RUFY4: variants seen among roughly 807,000 people sequenced by gnomAD.
RUFY4 encodes the protein RUN and FYVE domain-containing protein 4.
RUFY4 carries 73 observed loss-of-function variants against 69.0 expected under a neutral mutation model. That is an observed-to-expected ratio of 1.06 (90% CI 0.88 to 1.29). RUFY4 has a LOEUF of 1.29. Among genes scored for constraint, RUFY4 ranks in the 50% most tolerant of loss-of-function variants. The pLI is 0.00. For missense variants in RUFY4, 770 were observed against 705.6 expected, an observed-to-expected ratio of 1.09 and a Z score of -1.03; for synonymous variants, 287 against 271.8, an observed-to-expected ratio of 1.06 and a Z score of -0.55.
chr2:218,077,642 C>T (rs1172216682), intron 8 of RUFY4, among the ~76,000 whole-genome samples: 2 of 152,232 alleles, frequency 1.3e-5, no homozygotes, highest in African/African-American at 4.8e-5. Context: ...ACATGGCTAA[C>T]ACCTGCCCCA....
At chr2:218,045,023 T>C (rs888009641) in intron 2 of RUFY4, among the ~76,000 whole-genome samples, 1 of 152,248 alleles carries the variant, frequency 6.6e-6, no homozygotes, top group African/African-American at 2.4e-5. Context: ...CCACACTGTC[T>C]GTCTTCCACA....
At chr2:218,081,255 T>G (rs1158389984) in intron 8 of RUFY4, among the ~76,000 whole-genome samples, 1 of 152,158 alleles carries the variant, frequency 6.6e-6, no homozygotes, top group Non-Finnish European at 1.5e-5. Flanking sequence ...CACTGCCCTT[T>G]GTGGCAGCCC....
At chr2:218,089,637 G>A in intron 10 of RUFY4, 1 of 697,712 alleles carries the variant, frequency 1.4e-6, no homozygotes, top group South Asian at 1.5e-5. Flanking sequence ...ATCTGGAAGG[G>A]AGCATCTGTA....
At chr2:218,080,095 C>T (rs1166993293) in intron 8 of RUFY4, among the ~76,000 whole-genome samples, 4 of 152,096 alleles carry the variant, frequency 2.6e-5, no homozygotes, top group Non-Finnish European at 4.4e-5. Context: ...GGAAGACATG[C>T]GTTTGTTGAC....
chr2:218,042,630 C>A (rs564184031), intron 2 of RUFY4, among the ~76,000 whole-genome samples: 1 of 152,270 alleles, frequency 6.6e-6, no homozygotes, highest in Non-Finnish European at 1.5e-5. Flanking sequence ...CTGGTAAACT[C>A]TCCAAGTGAT....
intron 3 of RUFY4, chr2:218,061,039 C>G (rs767688153): frequency 1.4e-6 from 1 of 690,688 alleles, no homozygotes; most frequent in Middle Eastern, 2.5e-4. Flanking sequence ...TAGAAGTTGA[C>G]TTCCTTCAGG....
At chr2:218,063,228 G>A (rs1180153525) in intron 3 of RUFY4, among the ~76,000 whole-genome samples, 2 of 152,160 alleles carry the variant, frequency 1.3e-5, no homozygotes, top group African/African-American at 4.8e-5. Flanking sequence ...GAGTCTAAGG[G>A]ATGACCATCC....
rs933440305 is a variant in RUFY4, at chr2:218,089,349, C to A, written c.1600C>A (p.Arg534=). The change falls in exon 10 of 11, where the codon CGG becomes AGG. Residue 534 remains arginine (R), a synonymous_variant. Coordinates refer to ENST00000344321, the Ensembl canonical transcript of RUFY4. ...CAAGATCTTTGGCCGATTTTCTCGG[C>A]GGTATCCATGCAGGTAAAGGGAAGG... 8.1e-6 allele frequency: 13 copies of A among 1,613,652 alleles called. No individual in the cohort carries two copies. The African/African-American group carries it at 1.6e-4, about 20-fold the overall frequency.
chr2:218,072,581 G>A (rs767983424), intron 3 of RUFY4, 82 bp downstream of exon 5: 57 of 1,496,120 alleles, frequency 3.8e-5, no homozygotes, highest in Non-Finnish European at 4.5e-5. Context: ...CTGCTCTACC[G>A]ACCATAGACC....
At chr2:218,037,305 G>T (rs2106023940) in intron 2 of RUFY4, among the ~76,000 whole-genome samples, 1 of 141,804 alleles carries the variant, frequency 7.1e-6, no homozygotes, top group East Asian at 2.2e-4. Context: ...GGGCAATAGT[G>T]CAAAACTCAG....
chr2:218,079,672 T>A (rs1253323040), intron 8 of RUFY4, among the ~76,000 whole-genome samples: 1 of 152,086 alleles, frequency 6.6e-6, no homozygotes, highest in East Asian at 1.9e-4. Context: ...GCTACCCTGA[T>A]GCCTGGGAGC....
At chr2:218,054,424 G>A (rs1319061601) in intron 2 of RUFY4, among the ~76,000 whole-genome samples, 11 of 151,922 alleles carry the variant, frequency 7.2e-5, no homozygotes, top group African/African-American at 1.9e-4. Flanking sequence ...TTGTGGTGGC[G>A]TGCACCTTTA....
At chr2:218,039,774 T>C (rs1034463938) in intron 2 of RUFY4, among the ~76,000 whole-genome samples, 1 of 152,226 alleles carries the variant, frequency 6.6e-6, no homozygotes, top group Admixed American at 6.5e-5. Flanking sequence ...GAGTGGCCTA[T>C]GCCCCCAGCC....
intron 3 of RUFY4, chr2:218,060,513 G>T: frequency 7.6e-7 from 1 of 1,310,048 alleles, no homozygotes; most frequent in Non-Finnish European, 1.1e-6. Flanking sequence ...TGTGAAGGAT[G>T]CCCAGAATCT....
intron 4 of RUFY4, 99 bp downstream of exon 6, chr2:218,072,984 A>G (rs1689529248): frequency 3.8e-6 from 4 of 1,063,040 alleles, no homozygotes; most frequent in Non-Finnish European, 4.0e-6. Flanking sequence ...GCTTTCTATC[A>G]AGGACAGTTA....
chr2:218,089,283 C>T, exon 10 of RUFY4: 1 of 1,613,898 alleles, frequency 6.2e-7, no homozygotes, highest in Non-Finnish European at 8.5e-7. Flanking sequence ...GAGGCTCCAG[C>T]ATCTCTCTTC....
intron 2 of RUFY4, among the ~76,000 whole-genome samples, chr2:218,037,090 G>A (rs1375634219): frequency 1.3e-5 from 2 of 152,038 alleles, no homozygotes; most frequent in South Asian, 2.1e-4. Flanking sequence ...AGGCTGAGGC[G>A]GGCGGATCAC....
intron 2 of RUFY4, among the ~76,000 whole-genome samples, chr2:218,035,821 C>T (rs895273901): frequency 2.6e-5 from 4 of 152,216 alleles, no homozygotes; most frequent in African/African-American, 4.8e-5. Flanking sequence ...CTTGGGGCCG[C>T]GCTTTACTTC....
At chr2:218,051,600 G>A (rs1437466637) in intron 2 of RUFY4, among the ~76,000 whole-genome samples, 7 of 149,970 alleles carry the variant, frequency 4.7e-5, no homozygotes, top group East Asian at 1.9e-4. Context: ...ACAGAAAAGT[G>A]TAGGGCAGTA....
Sources: allele counts gnomAD v4.1 joint callset (sites outside exome capture counted in the v4.1 genomes callset), GRCh38; gene constraint gnomAD v4.1.1; transcripts MANE v1.5; gene names NCBI Gene and HGNC (gene_info 2026-07-23, HGNC 2026-07-21).